GNAL: variants seen among roughly 807,000 people sequenced by gnomAD.
GNAL encodes the protein guanine nucleotide-binding protein G(olf) subunit alpha.
In GNAL, 18 loss-of-function variants were observed where a neutral mutation model predicts 55.1. The ratio of observed to expected loss-of-function variants is 0.33; its 90% CI spans 0.23 to 0.48. GNAL has a LOEUF of 0.48. Ranked by LOEUF, GNAL falls within the 20% of genes least tolerant of loss-of-function variation. The probability of loss-of-function intolerance (pLI) is 0.99; values close to 1 mark genes in which losing one functional copy is unlikely to be tolerated. For missense variants in GNAL, 412 were observed against 614.1 expected, an observed-to-expected ratio of 0.67 and a Z score of 3.48; for synonymous variants, 253 against 237.0, an observed-to-expected ratio of 1.07 and a Z score of -0.62.
At chr18:11,829,008 C>T (rs933624343) in intron 5 of GNAL, among the ~76,000 whole-genome samples, 2 of 152,196 alleles carry the variant, frequency 1.3e-5, no homozygotes, top group African/African-American at 2.4e-5. Context: ...AGAGAGGTGC[C>T]TACGATCACA....
At chr18:11,694,093 TC>T (rs1251751924) in intron 1 of GNAL, among the ~76,000 whole-genome samples, 1 of 152,098 alleles carries the variant, frequency 6.6e-6, no homozygotes, top group Non-Finnish European at 1.5e-5. Context: ...GATCAAGTGA[TC>T]CACCTGTCTT....
intron 4 of GNAL, among the ~76,000 whole-genome samples, chr18:11,772,422 C>T (rs1449502322): frequency 6.6e-6 from 1 of 152,212 alleles, no homozygotes. Context: ...ACTTCAATTC[C>T]ATGCCCATCA....
intron 4 of GNAL, among the ~76,000 whole-genome samples, chr18:11,789,093 G>A (rs756174107): frequency 6.6e-5 from 10 of 151,388 alleles, no homozygotes; most frequent in African/African-American, 1.2e-4. Context: ...AGTCTTTCTC[G>A]ATGCCACACA....
rs936721379 is a variant in GNAL at position 11,881,725 on chromosome 18, T to C, written c.*590T>C. The C allele has an allele frequency of 1.3e-5, 2 of 152,628 alleles. No individual in the cohort carries two copies. Among genetic ancestry groups the C allele is most frequent in the African/African-American group, 4.8e-5 (2 of 41,454 alleles). 9.5% of individuals were successfully genotyped at this position (152,628 alleles called of 1,614,324 possible). A position where few individuals can be genotyped will look rare whatever the true frequency, so the allele number is the denominator to read the frequency against. On this transcript the variant is annotated 3_prime_UTR_variant, in exon 12 of 12. Coordinates refer to ENST00000334049, the MANE Select transcript of GNAL (RefSeq NM_182978.4). The surrounding 1 kb of genome is among the most constrained non-coding windows in gnomAD (Gnocchi z 4.8). ...CTTTGAGCCTCTTAGGCAGAAAACC[T>C]ACCACATTCACTACTGCAAAATGTG... is the stretch of plus-strand genomic sequence containing the variant.
chr18:11,820,452 G>A (rs1018938945), intron 4 of GNAL, among the ~76,000 whole-genome samples: 1 of 151,986 alleles, frequency 6.6e-6, no homozygotes, highest in African/African-American at 2.4e-5. Context: ...ATGGTATTAC[G>A]GCTATTTTTT....
intron 10 of GNAL, among the ~76,000 whole-genome samples, chr18:11,873,297 C>T (rs940872816): frequency 6.6e-6 from 1 of 152,128 alleles, no homozygotes; most frequent in Non-Finnish European, 1.5e-5. Context: ...AACTTTTTTG[C>T]TCCTTATGTT....
chr18:11,773,387 A>C (rs983793597), intron 4 of GNAL, among the ~76,000 whole-genome samples: 3 of 152,196 alleles, frequency 2.0e-5, no homozygotes, highest in East Asian at 3.9e-4. Context: ...CTACATAACC[A>C]GTCTCTGAAA....
chr18:11,710,944 C>T lies in GNAL; in HGVS notation c.376+21005C>T, dbSNP rs528060969. On this transcript the variant is annotated intron_variant, in intron 1 of 11. Coordinates refer to ENST00000334049, the MANE Select transcript of GNAL (RefSeq NM_182978.4). ...AGGCTGGAGTGCAGTGGTGTGATCT[C>T]GGCTCACTGCAAGCCCCACCTCCCG... 8.6e-5 allele frequency among the ~76,000 whole-genome samples: 13 copies of T among 151,686 alleles called. No homozygotes were observed. In the South Asian group the frequency reaches 2.7e-3, roughly 32 times the overall value.
At chr18:11,813,597 A>G (rs963642243) in intron 4 of GNAL, among the ~76,000 whole-genome samples, 1 of 152,260 alleles carries the variant, frequency 6.6e-6, no homozygotes, top group African/African-American at 2.4e-5. Flanking sequence ...GAACTGCCTA[A>G]TTTGAAGACT....
At chr18:11,800,472 G>A (rs1358639100) in intron 4 of GNAL, among the ~76,000 whole-genome samples, 3 of 152,198 alleles carry the variant, frequency 2.0e-5, no homozygotes, top group Non-Finnish European at 4.4e-5. Context: ...TGGATACTCT[G>A]GGGTGGCCTG....
At position 11,689,549 on chromosome 18, in the gene GNAL, C is replaced by T; in HGVS notation, c.-15C>T. Reference sequence around the variant, plus strand: ...GCCCTAGTCCCGCGCGCCGCCCCCGCTGTGCCGCGCCCACATGGGTCTGTG... The same window carrying T: ...GCCCTAGTCCCGCGCGCCGCCCCCGTTGTGCCGCGCCCACATGGGTCTGTG... On this transcript the variant is annotated 5_prime_UTR_variant, in exon 1 of 12. Coordinates refer to ENST00000334049, the MANE Select transcript of GNAL (RefSeq NM_182978.4). 8.2e-7 allele frequency: 1 copy of T among 1,213,796 alleles called. No individual in the cohort carries two copies. The highest frequency in any genetic ancestry group is 1.0e-6 in the Non-Finnish European group (1 of 966,332). 75.2% of individuals were successfully genotyped at this position (1,213,796 alleles called of 1,614,324 possible). A position where few individuals can be genotyped will look rare whatever the true frequency, so the allele number is the denominator to read the frequency against.
intron 4 of GNAL, among the ~76,000 whole-genome samples, chr18:11,761,792 C>A (rs1003418727): frequency 6.6e-6 from 1 of 152,180 alleles, no homozygotes; most frequent in Non-Finnish European, 1.5e-5. Context: ...CTGACTGCAC[C>A]CCTCACAGGG....
intron 4 of GNAL, among the ~76,000 whole-genome samples, chr18:11,793,655 G>T (rs867531439): frequency 6.9e-6 from 1 of 145,440 alleles, no homozygotes; most frequent in Non-Finnish European, 1.5e-5. Flanking sequence ...GCCAGGCGCA[G>T]TGGCTCACGC....
At chr18:11,747,171 C>T (rs1323646160) in intron 1 of GNAL, 4 of 388,136 alleles carry the variant, frequency 1.0e-5, no homozygotes, top group East Asian at 6.5e-5. Flanking sequence ...TCTGCATCAT[C>T]GATTTTCTTC....
At chr18:11,865,327 C>T (rs1011525054) in intron 7 of GNAL, among the ~76,000 whole-genome samples, 10 of 149,706 alleles carry the variant, frequency 6.7e-5, no homozygotes, top group Non-Finnish European at 1.2e-4. Flanking sequence ...CTGCCACCTG[C>T]CTCACCAGGC....
At chr18:11,872,961 C>T (rs1265623402) in intron 10 of GNAL, among the ~76,000 whole-genome samples, 1 of 152,196 alleles carries the variant, frequency 6.6e-6, no homozygotes, top group Non-Finnish European at 1.5e-5. Flanking sequence ...TTGGGGATTT[C>T]CAGCAGGGCC....
intron 4 of GNAL, among the ~76,000 whole-genome samples, chr18:11,807,875 G>A (rs1041952781): frequency 6.6e-6 from 1 of 152,126 alleles, no homozygotes; most frequent in African/African-American, 2.4e-5. Context: ...GGCCAAGACA[G>A]TGTTTCACGG....
At chr18:11,825,219 G>C (rs1018634906) in intron 5 of GNAL, among the ~76,000 whole-genome samples, 10 of 152,186 alleles carry the variant, frequency 6.6e-5, no homozygotes, top group African/African-American at 2.4e-4. Flanking sequence ...CTGAGAACCA[G>C]AAAGTTTCGT....
At chr18:11,834,865 G>A (rs1292559009) in intron 5 of GNAL, among the ~76,000 whole-genome samples, 1 of 152,226 alleles carries the variant, frequency 6.6e-6, no homozygotes. Context: ...TGAGAACATG[G>A]CAGTTGCTCT....
Sources: allele counts gnomAD v4.1 joint callset (sites outside exome capture counted in the v4.1 genomes callset), GRCh38; gene constraint gnomAD v4.1.1; non-coding constraint Gnocchi (gnomAD v3.1); transcripts MANE v1.5; gene names NCBI Gene and HGNC (gene_info 2026-07-23, HGNC 2026-07-21).